The following FLT1 variants were observed in gnomAD, a reference collection of about 807,000 sequenced individuals.
FLT1 encodes the protein fms related receptor tyrosine kinase 1, also known as vascular endothelial growth factor receptor 1.
A neutral mutation model predicts 156.3 loss-of-function variants in FLT1; 49 were observed. The observed-to-expected ratio is 0.31, with a 90% CI of 0.25 to 0.40. The LOEUF (loss-of-function observed/expected upper bound fraction) is 0.40, where lower values mean the gene tolerates loss of function less well. FLT1 is among the 10% of genes least tolerant of loss of function. The pLI is 1.00. For missense variants in FLT1, 1,322 were observed against 1,637.2 expected (o/e 0.81, Z 3.32); for synonymous variants, 594 against 583.8 (o/e 1.02, Z -0.25).
intron 1 of FLT1, among the ~76,000 whole-genome samples, chr13:28,468,536 A>G (rs1489510854): frequency 6.6e-6 from 1 of 152,230 alleles, no homozygotes; most frequent in Non-Finnish European, 1.5e-5. Context: ...CCAGCCTGAT[A>G]TAGCTTGGAT....
intron 3 of FLT1, among the ~76,000 whole-genome samples, chr13:28,446,288 T>G (rs190097459): frequency 6.6e-6 from 1 of 152,216 alleles, no homozygotes; most frequent in Admixed American, 6.5e-5. Context: ...TTCAATAGTG[T>G]ACTAGAGGTT....
At chr13:28,327,873 C>A (rs909716865) in intron 19 of FLT1, among the ~76,000 whole-genome samples, 1 of 152,086 alleles carries the variant, frequency 6.6e-6, no homozygotes, top group Admixed American at 6.5e-5. Context: ...AGCCTCCCTG[C>A]CTCTTAACCA....
intron 1 of FLT1, among the ~76,000 whole-genome samples, chr13:28,468,004 T>C (rs1006025573): frequency 2.0e-5 from 3 of 152,248 alleles, no homozygotes; most frequent in African/African-American, 2.4e-5. Flanking sequence ...ATCCAAAATA[T>C]ATTTTCAATA....
At position 28,399,403 on chromosome 13, in the gene FLT1, T is replaced by C. The variant is rs529151523; in HGVS notation, c.1552-2335A>G. Reference sequence around the variant, plus strand: ...GTTGGCTTGGGAGTGTTTGAAATTATGGACAGCATTTATCTGCATCTATGA... The same window carrying C: ...GTTGGCTTGGGAGTGTTTGAAATTACGGACAGCATTTATCTGCATCTATGA... On this transcript the variant is annotated intron_variant, in intron 11 of 29. Coordinates refer to ENST00000282397, the MANE Select transcript of FLT1 (RefSeq NM_002019.4). 3.9e-5 allele frequency among the ~76,000 whole-genome samples: 6 copies of C among 152,352 alleles called. No individual in the cohort carries two copies. The East Asian group carries it at 7.7e-4, about 20-fold the overall frequency.
rs532664170 is a variant in FLT1, at chr13:28,363,191, A to G, written c.2117-5506T>C. Among the ~76,000 whole-genome samples the G allele has an allele frequency of 1.1e-3, 161 of 152,252 alleles. 8 individuals carry two copies. In the South Asian group the frequency reaches 0.033, roughly 31 times the overall value. On this transcript the variant is annotated intron_variant, in intron 14 of 29. Coordinates refer to ENST00000282397, the MANE Select transcript of FLT1 (RefSeq NM_002019.4). ...GGCTCTGTTCTGCTGAGGAAAATAC[A>G]TTTTTAAAGTGGTTCTATTTTTAGT... is the stretch of plus-strand genomic sequence containing the variant.
At chr13:28,416,842 G>A (rs926310842) in intron 10 of FLT1, among the ~76,000 whole-genome samples, 1 of 152,160 alleles carries the variant, frequency 6.6e-6, no homozygotes, top group Non-Finnish European at 1.5e-5. Context: ...CAATAAGGTA[G>A]CAATCAGTGA....
intron 12 of FLT1, among the ~76,000 whole-genome samples, chr13:28,392,658 C>A (rs1436481761): frequency 1.3e-5 from 2 of 152,168 alleles, no homozygotes; most frequent in Non-Finnish European, 2.9e-5. Flanking sequence ...CCAAGCACCA[C>A]CAGGAATCTC....
intron 25 of FLT1, among the ~76,000 whole-genome samples, chr13:28,313,907 A>AGGGG (rs372132792): frequency 1.4e-5 from 2 of 143,822 alleles, no homozygotes; most frequent in Non-Finnish European, 1.5e-5. Flanking sequence ...AAAAAAAAAA[A>AGGGG]AAGAAGAATC....
rs1279887778 is a variant in FLT1 at position 28,334,774 on chromosome 13, A to C, written c.2489-645T>G. Among the ~76,000 whole-genome samples the C allele has an allele frequency of 2.0e-5, 3 of 152,186 alleles. No individual in the cohort carries two copies. In the East Asian group the frequency reaches 5.8e-4, roughly 29 times the overall value. On this transcript the variant is annotated intron_variant, in intron 17 of 29. Transcript: ENST00000282397. ...CCCCAGAGAGGTAGTTGCTAAATGC[A>C]ATAACTAAGCAAGGTTCCTTTCATG...
chr13:28,474,485 G>GAC (rs57021123), intron 1 of FLT1, among the ~76,000 whole-genome samples: 18,229 of 112,378 alleles, frequency 0.16, 1,110 homozygotes, highest in Admixed American at 0.23. Flanking sequence ...AACAACCACA[G>GAC]ACACACACAC....
intron 15 of FLT1, among the ~76,000 whole-genome samples, chr13:28,356,277 T>C (rs548429733): frequency 6.6e-6 from 1 of 152,196 alleles, no homozygotes; most frequent in Admixed American, 6.5e-5. Context: ...GTCTCCTTGC[T>C]CTCTGTGTTC....
intron 29 of FLT1, among the ~76,000 whole-genome samples, chr13:28,303,871 G>T (rs963942980): frequency 6.6e-6 from 1 of 152,164 alleles, no homozygotes; most frequent in Admixed American, 6.5e-5. Context: ...ACACACACAA[G>T]TGAGTGCCTC....
chr13:28,422,743 C>T (rs187490675), intron 10 of FLT1, among the ~76,000 whole-genome samples: 5 of 152,058 alleles, frequency 3.3e-5, no homozygotes, highest in African/African-American at 4.8e-5. Context: ...GTCAGCTACC[C>T]GAGGGTCTCC....
At chr13:28,443,203 G>T (rs1878429145) in intron 3 of FLT1, among the ~76,000 whole-genome samples, 1 of 152,220 alleles carries the variant, frequency 6.6e-6, no homozygotes, top group South Asian at 2.1e-4. Flanking sequence ...CCCACTGGGA[G>T]TATCTGGGCT....
intron 14 of FLT1, among the ~76,000 whole-genome samples, chr13:28,364,335 C>A (rs1873212327): frequency 6.6e-6 from 1 of 152,184 alleles, no homozygotes; most frequent in African/African-American, 2.4e-5. Context: ...GCCTCAGCCT[C>A]CTGAGTAGTT....
intron 11 of FLT1, among the ~76,000 whole-genome samples, chr13:28,403,879 T>C (rs1332419842): frequency 6.6e-6 from 1 of 152,062 alleles, no homozygotes; most frequent in African/African-American, 2.4e-5. Context: ...CCGTCTCTAC[T>C]AGAAATACAA....
In FLT1 at chr13:28,494,858, G is replaced by A. The variant is rs965579664; in HGVS notation, c.-15C>T. 4 of 1,538,054 alleles carry A rather than the reference G, an allele frequency of 2.6e-6. No individual in the cohort carries two copies. The highest frequency in any genetic ancestry group is 5.1e-5 in the East Asian group (2 of 38,982). On this transcript the variant is annotated 5_prime_UTR_variant, in exon 1 of 30. Transcript: ENST00000282397. ...TAGCTGACCATGGTGAGCGCGACGC[G>A]GCCTGCTCGCCCGGTGCCCGCGCTC...
chr13:28,360,662 A>G (rs1165024320), intron 14 of FLT1, among the ~76,000 whole-genome samples: 1 of 152,192 alleles, frequency 6.6e-6, no homozygotes, highest in Admixed American at 6.5e-5. Flanking sequence ...TAGAGAGTAG[A>G]GTGATGGTTA....
In FLT1 at chr13:28,345,568, T is replaced by C; in HGVS notation, c.2249-17A>G. On this transcript the variant is annotated splice_polypyrimidine_tract_variant and intron_variant, in intron 15 of 29. Coordinates refer to ENST00000282397, the MANE Select transcript of FLT1 (RefSeq NM_002019.4). ...CCGAGGTTCCTGGAGAGAAAAAAAA[T>C]CACAATAGTGGTGCAACAAAGAAAT... The C allele has an allele frequency of 1.4e-6, 2 of 1,432,802 alleles. No individual in the cohort carries two copies. The highest frequency in any genetic ancestry group is 2.3e-5 in the East Asian group (1 of 43,678). 88.8% of individuals were successfully genotyped at this position (1,432,802 alleles called of 1,614,324 possible).
Sources: allele counts gnomAD v4.1 joint callset (sites outside exome capture counted in the v4.1 genomes callset), GRCh38; gene constraint gnomAD v4.1.1; transcripts MANE v1.5; gene names NCBI Gene and HGNC (gene_info 2026-07-23, HGNC 2026-07-21).